The following SAMD12 variants were observed in gnomAD, a reference collection of about 807,000 sequenced individuals.
SAMD12 encodes sterile alpha motif domain containing 12.
In SAMD12, 9 loss-of-function variants were observed where a neutral mutation model predicts 15.0. That is an observed-to-expected ratio of 0.60 (90% confidence interval 0.36 to 1.05). The LOEUF is 1.05. Ranked by LOEUF, SAMD12 falls within the 50% of genes least tolerant of loss-of-function variation. The probability of loss-of-function intolerance (pLI) is 0.01; values close to 1 mark genes in which losing one functional copy is unlikely to be tolerated. For missense variants in SAMD12, 230 were observed against 234.2 expected, an observed-to-expected ratio of 0.98 and a Z score of 0.12; for synonymous variants, 86 against 90.1, an observed-to-expected ratio of 0.96 and a Z score of 0.25.
chr8:118,203,334 T>C (rs1176177360), intron 4 of SAMD12, among the ~76,000 whole-genome samples: 3 of 152,116 alleles, frequency 2.0e-5, no homozygotes, highest in Admixed American at 2.0e-4. Flanking sequence ...GATATAATTT[T>C]GCCCCCTACA....
the SAMD12 span, among the ~76,000 whole-genome samples, chr8:118,173,505 T>A: frequency 2.0e-5 from 3 of 151,260 alleles, no homozygotes; most frequent in East Asian, 5.8e-4. Flanking sequence ...TGTTTTCTTT[T>A]ATGCGATGGG....
intron 4 of SAMD12, among the ~76,000 whole-genome samples, chr8:118,303,755 C>A (rs1404143524): frequency 6.6e-6 from 1 of 151,942 alleles, no homozygotes; most frequent in Admixed American, 6.6e-5. Context: ...TCAATGTTGT[C>A]AGCATAGTTC....
chr8:118,332,401 C>A (rs767051994), intron 4 of SAMD12, among the ~76,000 whole-genome samples: 10 of 152,332 alleles, frequency 6.6e-5, no homozygotes, highest in South Asian at 2.1e-4. Context: ...TGACCAGCGT[C>A]GCTGCAGTGG....
chr8:118,278,468 C>T (rs994349587), intron 4 of SAMD12, among the ~76,000 whole-genome samples: 4 of 152,172 alleles, frequency 2.6e-5, no homozygotes, highest in Non-Finnish European at 5.9e-5. Context: ...AAAGTGGATT[C>T]AAGAAAGCTT....
intron 2 of SAMD12, among the ~76,000 whole-genome samples, chr8:118,540,259 C>G (rs1310399701): frequency 6.6e-6 from 1 of 152,180 alleles, no homozygotes; most frequent in African/African-American, 2.4e-5. Flanking sequence ...TAGTGGTTCT[C>G]AGTTGCCATG....
chr8:118,483,293 G>A (rs1315303171), intron 2 of SAMD12, among the ~76,000 whole-genome samples: 1 of 152,176 alleles, frequency 6.6e-6, no homozygotes. Flanking sequence ...GACATTTTAA[G>A]GAGACACTAT....
At chr8:118,286,453 T>G (rs77558580) in intron 4 of SAMD12, among the ~76,000 whole-genome samples, 12,359 of 152,256 alleles carry the variant, frequency 0.081, 882 homozygotes, top group East Asian at 0.33. Context: ...TCTCTCTTCC[T>G]TCTTTCTTCT....
At chr8:118,197,221 T>C (rs1662886250) in exon 5 of SAMD12, 1 of 168,142 alleles carries the variant, frequency 5.9e-6, no homozygotes, top group South Asian at 1.6e-4. Context: ...TTAGACATCA[T>C]AACTAACATA....
At chr8:118,266,324 T>C (rs904312540) in intron 4 of SAMD12, among the ~76,000 whole-genome samples, 3 of 152,148 alleles carry the variant, frequency 2.0e-5, no homozygotes, top group African/African-American at 7.2e-5. Context: ...ATGGCTATTA[T>C]TAAAAAGACA....
At chr8:118,231,910 C>A (rs1812317452) in intron 4 of SAMD12, among the ~76,000 whole-genome samples, 1 of 152,056 alleles carries the variant, frequency 6.6e-6, no homozygotes, top group Admixed American at 6.5e-5. Flanking sequence ...AAAAAAAAGC[C>A]TTCTGCAAGG....
rs549365459 is a variant in SAMD12 at position 118,395,831 on chromosome 8, G to A, written c.323-16131C>T. The stretch of plus-strand genomic sequence containing the variant: ...AAATTAGCCGGGCGTGGTGGCGGGC[G>A]CCTGTAGTCCCAGCTACTCGGGAGG... On this transcript the variant is annotated intron_variant, in intron 3 of 3. Transcript: ENST00000314727. 9.2e-4 allele frequency among the ~76,000 whole-genome samples: 140 copies of A among 151,702 alleles called. 2 individuals are homozygous for A. In the East Asian group the frequency reaches 0.023, roughly 25 times the overall value.
intron 4 of SAMD12, among the ~76,000 whole-genome samples, chr8:118,344,326 G>A: frequency 6.6e-6 from 1 of 152,184 alleles, no homozygotes; most frequent in Admixed American, 6.5e-5. Flanking sequence ...TACCACAAAG[G>A]CTTGTGTCGT....
At chr8:118,324,120 G>A (rs28614042) in intron 4 of SAMD12, among the ~76,000 whole-genome samples, 2,531 of 152,104 alleles carry the variant, frequency 0.017, 34 homozygotes, top group South Asian at 0.04. Flanking sequence ...TAATAGTTAT[G>A]TCTGTTTCTT....
chr8:118,516,460 A>G (rs1371934739), intron 2 of SAMD12, among the ~76,000 whole-genome samples: 2 of 152,132 alleles, frequency 1.3e-5, no homozygotes, highest in Non-Finnish European at 2.9e-5. Context: ...GAGCTCTGGG[A>G]ATATAGATTG....
rs150155726 is a variant in SAMD12 at position 118,301,737 on chromosome 8, A to T, written c.433+77823T>A. On this transcript the variant is annotated intron_variant, in intron 4 of 4. Transcript: ENST00000409003. ...TCTTACAGGCTCCTGAACAGAAGTGATCCATATGGATGAATACAGAATAAA... is the reference window on the plus strand; with the variant it reads ...TCTTACAGGCTCCTGAACAGAAGTGTTCCATATGGATGAATACAGAATAAA... Among the ~76,000 whole-genome samples the T allele has an allele frequency of 7.2e-5, 11 of 152,340 alleles. No individual in the cohort carries two copies. In the East Asian group the frequency reaches 2.1e-3, roughly 29 times the overall value.
At chr8:118,509,082 G>T (rs4551393) in intron 2 of SAMD12, among the ~76,000 whole-genome samples, 3 of 152,006 alleles carry the variant, frequency 2.0e-5, no homozygotes, top group East Asian at 1.9e-4. Context: ...TTCCCTTAAG[G>T]TTCAGTAATT....
the SAMD12 span, among the ~76,000 whole-genome samples, chr8:118,147,057 T>G: frequency 6.6e-6 from 1 of 151,532 alleles, no homozygotes; most frequent in Non-Finnish European, 1.5e-5. Flanking sequence ...CAGAGTCTCA[T>G]TCTGTTGCCC....
chr8:118,316,991 G>A (rs1039719523), intron 4 of SAMD12, among the ~76,000 whole-genome samples: 15 of 151,924 alleles, frequency 9.9e-5, no homozygotes, highest in Non-Finnish European at 2.9e-5. Flanking sequence ...AAATTAAAAC[G>A]AGGTGATTAG....
chr8:118,540,350 C>T (rs1035706613), intron 2 of SAMD12, among the ~76,000 whole-genome samples: 1 of 152,098 alleles, frequency 6.6e-6, no homozygotes, highest in Admixed American at 6.5e-5. Flanking sequence ...GCTAAAGTTG[C>T]CTAGTGCTTT....
Sources: allele counts gnomAD v4.1 joint callset (sites outside exome capture counted in the v4.1 genomes callset), GRCh38; gene constraint gnomAD v4.1.1; transcripts MANE v1.5; gene names NCBI Gene and HGNC (gene_info 2026-07-23, HGNC 2026-07-21).